The following TMC1 variants were observed in gnomAD, a reference collection of about 807,000 sequenced individuals.
TMC1 encodes the protein transmembrane channel-like protein 1.
A neutral mutation model predicts 105.8 loss-of-function variants in TMC1; 84 were observed. The ratio of observed to expected loss-of-function variants is 0.79; its 90% CI spans 0.67 to 0.95. The LOEUF (loss-of-function observed/expected upper bound fraction) is 0.95. TMC1 is among the 40% of genes least tolerant of loss of function. The pLI is 0.00. For missense variants in TMC1, 817 were observed against 914.1 expected (o/e 0.89, Z 1.37); for synonymous variants, 315 against 311.5 (o/e 1.01, Z -0.12).
At chr9:72,755,232 C>G (rs1313303285) in intron 12 of TMC1, among the ~76,000 whole-genome samples, 1 of 152,068 alleles carries the variant, frequency 6.6e-6, no homozygotes, top group East Asian at 1.9e-4. Flanking sequence ...GCTCAGAGTT[C>G]AAAGACTTGA....
intron 12 of TMC1, among the ~76,000 whole-genome samples, chr9:72,762,758 G>C (rs1251198141): frequency 6.6e-6 from 1 of 152,130 alleles, no homozygotes; most frequent in Non-Finnish European, 1.5e-5. Context: ...TGCTGAGCAG[G>C]GTGGGCTGCT....
At chr9:72,789,059 T>C (rs894907301) in intron 14 of TMC1, 64 bp from the exon 15 acceptor site, 1 of 1,526,420 alleles carries the variant, frequency 6.6e-7, no homozygotes, top group African/African-American at 1.4e-5. Flanking sequence ...TTTGATACTT[T>C]TAAAATGTAG....
At chr9:72,609,857 C>G (rs977732342) in intron 2 of TMC1, among the ~76,000 whole-genome samples, 3 of 151,974 alleles carry the variant, frequency 2.0e-5, no homozygotes, top group African/African-American at 7.3e-5. Flanking sequence ...CACCTGGCAA[C>G]CCTCTCTTCT....
At chr9:72,648,872 A>C (rs1368324892) in intron 5 of TMC1, among the ~76,000 whole-genome samples, 1 of 151,960 alleles carries the variant, frequency 6.6e-6, no homozygotes, top group African/African-American at 2.4e-5. Flanking sequence ...TCTTTTATGG[A>C]TGAATGATTT....
At chr9:72,552,857 A>G (rs1276895261) in intron 1 of TMC1, among the ~76,000 whole-genome samples, 4 of 152,172 alleles carry the variant, frequency 2.6e-5, no homozygotes, top group Admixed American at 6.6e-5. Context: ...AAAGATTTCA[A>G]TGCTCTTTAT....
At chr9:72,803,664 A>C (rs572619385) in intron 17 of TMC1, among the ~76,000 whole-genome samples, 1 of 152,346 alleles carries the variant, frequency 6.6e-6, no homozygotes, top group East Asian at 1.9e-4. Flanking sequence ...GAGAAATGCA[A>C]ATCAAAACCA....
chr9:72,618,928 A>C lies in TMC1; in HGVS notation c.-196+2451A>C, dbSNP rs557692508. Among the ~76,000 whole-genome samples, 5 of 152,342 alleles carry C rather than the reference A, an allele frequency of 3.3e-5. No homozygotes were observed. In the South Asian group the frequency reaches 1.0e-3, roughly 32 times the overall value. ...AATTATTTTCAAATTCAGTCTCCTGAATAGAACTCGCAACAATTACCAAGC... is the reference window on the plus strand; with the variant it reads ...AATTATTTTCAAATTCAGTCTCCTGCATAGAACTCGCAACAATTACCAAGC... On this transcript the variant is annotated intron_variant, in intron 3 of 23. Transcript: ENST00000297784.
At position 72,805,441 on chromosome 9, in the gene TMC1, G is replaced by A. The variant is rs778829243; in HGVS notation, c.1626G>A (p.Gly542=). Residue 542 remains glycine, a synonymous_variant, in exon 18 of 24, where the codon GGG becomes GGA. Transcript: ENST00000297784. ...CCACCTACGTCACAATCCTCATTGG[G>A]GACTTTCTAAGGGCATGTTTTGTGA... ...VLTTYVTILI[G]DFLRACFVRF... is the part of the protein sequence containing the mutation. 3.0e-5 allele frequency: 49 copies of A among 1,613,888 alleles called. No homozygotes were observed. The highest frequency in any genetic ancestry group is 2.2e-4 in the South Asian group (20 of 91,054).
chr9:72,661,358 G>A (rs146587989), intron 5 of TMC1, among the ~76,000 whole-genome samples: 4 of 152,250 alleles, frequency 2.6e-5, no homozygotes, highest in African/African-American at 4.8e-5. Flanking sequence ...TTATTCTACC[G>A]TTTAAACTTA....
At chr9:72,566,114 C>CT (rs1278092172) in intron 1 of TMC1, among the ~76,000 whole-genome samples, 2 of 152,222 alleles carry the variant, frequency 1.3e-5, no homozygotes. Flanking sequence ...ATTGCAGCCT[C>CT]TAATTCCTGG....
At chr9:72,717,983 A>AT (rs1372926934) in intron 8 of TMC1, among the ~76,000 whole-genome samples, 4 of 151,866 alleles carry the variant, frequency 2.6e-5, no homozygotes, top group African/African-American at 9.7e-5. Flanking sequence ...GGCTTTATTC[A>AT]TTTTTTAAAA....
At chr9:72,697,354 G>A (rs1826567274) in intron 7 of TMC1, among the ~76,000 whole-genome samples, 1 of 152,080 alleles carries the variant, frequency 6.6e-6, no homozygotes, top group African/African-American at 2.4e-5. Context: ...ATCTTCAAAA[G>A]TCCATAATAT....
chr9:72,828,435 A>C (rs947048501), intron 21 of TMC1, among the ~76,000 whole-genome samples: 1 of 152,140 alleles, frequency 6.6e-6, no homozygotes, highest in African/African-American at 2.4e-5. Context: ...ACACACACAC[A>C]CACACACAAT....
intron 1 of TMC1, among the ~76,000 whole-genome samples, chr9:72,534,995 T>A (rs1823554724): frequency 6.6e-6 from 1 of 152,016 alleles, no homozygotes; most frequent in Non-Finnish European, 1.5e-5. Context: ...AGTTGATGCT[T>A]GCAAAAAGTC....
chr9:72,735,663 T>G (rs1288772102), intron 8 of TMC1, among the ~76,000 whole-genome samples: 1 of 152,220 alleles, frequency 6.6e-6, no homozygotes, highest in Non-Finnish European at 1.5e-5. Context: ...CCTGAAATCA[T>G]GCCAGCTCAT....
At chr9:72,640,825 G>T (rs953733227) in intron 4 of TMC1, among the ~76,000 whole-genome samples, 2 of 151,966 alleles carry the variant, frequency 1.3e-5, no homozygotes, top group East Asian at 1.9e-4. Flanking sequence ...TAGAGACAGG[G>T]TTTCACTGTG....
intron 2 of TMC1, among the ~76,000 whole-genome samples, chr9:72,599,237 G>T (rs183813902): frequency 6.6e-6 from 1 of 152,170 alleles, no homozygotes; most frequent in East Asian, 1.9e-4. Flanking sequence ...TATCATGTTG[G>T]CCAGGCCGGT....
chr9:72,544,340 T>A (rs867333609), intron 1 of TMC1, among the ~76,000 whole-genome samples: 2 of 30,338 alleles, frequency 6.6e-5, no homozygotes, highest in South Asian at 6.2e-4. Context: ...TCAAGGTATA[T>A]CCACTTCACT....
chr9:72,776,767 A>G (rs1828012427), intron 13 of TMC1, among the ~76,000 whole-genome samples: 1 of 152,184 alleles, frequency 6.6e-6, no homozygotes, highest in South Asian at 2.1e-4. Flanking sequence ...TCAAATGCCC[A>G]GTAATTTGCA....
Sources: allele counts gnomAD v4.1 joint callset (sites outside exome capture counted in the v4.1 genomes callset), GRCh38; gene constraint gnomAD v4.1.1; transcripts MANE v1.5; gene names NCBI Gene and HGNC (gene_info 2026-07-23, HGNC 2026-07-21).